Variants in PRR16 observed in about 807,000 individuals in gnomAD.
PRR16 encodes protein Largen.
Under a neutral mutation model 18.2 loss-of-function variants are expected in PRR16, and 6 were observed. The observed-to-expected ratio is 0.33, with a 90% CI of 0.18 to 0.65. The LOEUF (loss-of-function observed/expected upper bound fraction) is 0.65, where lower values mean the gene tolerates loss of function less well. PRR16 is among the 30% of genes least tolerant of loss of function. The pLI is 0.74. For synonymous variants in PRR16, 151 were observed against 147.8 expected (o/e 1.02, Z -0.16); for missense variants, 412 against 376.6 (o/e 1.09, Z -0.78).
chr5:120,732,598 A>T, the PRR16 span, among the ~76,000 whole-genome samples: 1 of 152,142 alleles, frequency 6.6e-6, no homozygotes, highest in Admixed American at 6.6e-5. Context: ...CAAGGGCCTG[A>T]TGGGGATAGG....
chr5:120,548,920 A>G (rs1752160881), intron 1 of PRR16, among the ~76,000 whole-genome samples: 1 of 148,136 alleles, frequency 6.8e-6, no homozygotes, highest in Non-Finnish European at 1.5e-5. Flanking sequence ...AAACATTGAG[A>G]CATGCTGAAA....
the PRR16 span, among the ~76,000 whole-genome samples, chr5:120,700,588 TA>T: frequency 6.6e-6 from 1 of 151,920 alleles, no homozygotes; most frequent in Non-Finnish European, 1.5e-5. Context: ...CAGGTGGGGA[TA>T]ACTAAAAAGG....
At chr5:120,783,001 TACTC>T in the PRR16 span, among the ~76,000 whole-genome samples, 9 of 152,270 alleles carry the variant, frequency 5.9e-5, no homozygotes, top group Non-Finnish European at 8.8e-5. Context: ...AAGAAGAACT[TACTC>T]AAAGTTCATG....
chr5:120,544,103 A>G (rs943013641), intron 1 of PRR16, among the ~76,000 whole-genome samples: 4 of 152,122 alleles, frequency 2.6e-5, no homozygotes, highest in Non-Finnish European at 5.9e-5. Context: ...AAAGTGACAA[A>G]TACAAATGCT....
intron 1 of PRR16, among the ~76,000 whole-genome samples, chr5:120,530,193 AAT>A (rs1201730464): frequency 1.4e-5 from 2 of 144,856 alleles, no homozygotes; most frequent in East Asian, 2.0e-4. Context: ...ATATATATAG[AAT>A]ATATATATAA....
the PRR16 span, among the ~76,000 whole-genome samples, chr5:120,693,639 G>A: frequency 1.3e-5 from 2 of 152,168 alleles, no homozygotes; most frequent in Non-Finnish European, 2.9e-5. Flanking sequence ...GTGCTAACTA[G>A]ACTATGTATG....
At chr5:120,702,229 C>A in the PRR16 span, among the ~76,000 whole-genome samples, 1 of 103,742 alleles carries the variant, frequency 9.6e-6, no homozygotes, top group Non-Finnish European at 2.0e-5. Flanking sequence ...AATAAGGGGT[C>A]GGGACACAGA....
intron 1 of PRR16, among the ~76,000 whole-genome samples, chr5:120,492,828 G>T (rs1006797786): frequency 6.6e-6 from 1 of 152,158 alleles, no homozygotes; most frequent in South Asian, 2.1e-4. Context: ...TTCCATTCCT[G>T]TGTTAGTTCA....
the PRR16 span, among the ~76,000 whole-genome samples, chr5:120,742,414 A>G: frequency 1.5e-3 from 234 of 151,722 alleles, 3 homozygotes; most frequent in African/African-American, 4.9e-3. Context: ...TTGATATTGC[A>G]TATCAGATTC....
At chr5:120,637,647 G>GA (rs1755282930) in intron 1 of PRR16, among the ~76,000 whole-genome samples, 1 of 151,908 alleles carries the variant, frequency 6.6e-6, no homozygotes, top group Admixed American at 6.6e-5. Context: ...GGATTTGGGG[G>GA]GAAGGGTGAG....
At chr5:120,589,375 T>C (rs1753556065) in intron 1 of PRR16, among the ~76,000 whole-genome samples, 1 of 152,134 alleles carries the variant, frequency 6.6e-6, no homozygotes, top group African/African-American at 2.4e-5. Flanking sequence ...ACATTTGCTA[T>C]AACATAGTTT....
chr5:120,758,582 A>C, the PRR16 span, among the ~76,000 whole-genome samples: 1 of 152,086 alleles, frequency 6.6e-6, no homozygotes, highest in Non-Finnish European at 1.5e-5. Context: ...AGTTTTCTCC[A>C]TGCTGTTCTT....
intron 1 of PRR16, among the ~76,000 whole-genome samples, chr5:120,617,987 G>A (rs1294233506): frequency 6.6e-6 from 1 of 152,016 alleles, no homozygotes; most frequent in African/African-American, 2.4e-5. Context: ...GCATATAAAA[G>A]AACGTGGGTT....
chr5:120,545,287 A>G (rs912519061), intron 1 of PRR16, among the ~76,000 whole-genome samples: 1 of 152,138 alleles, frequency 6.6e-6, no homozygotes, highest in Non-Finnish European at 1.5e-5. Flanking sequence ...GATAATAATT[A>G]TACGTGACAT....
At chr5:120,706,318 T>TCAGTTCCTGAAGAAGAAACTGG in the PRR16 span, among the ~76,000 whole-genome samples, 1 of 151,978 alleles carries the variant, frequency 6.6e-6, no homozygotes, top group Non-Finnish European at 1.5e-5. Context: ...TTGATTTTTG[T>TCAGTTCCTGAAGAAGAAACTGG]CAGTTTGACT....
At chr5:120,739,008 T>C in the PRR16 span, among the ~76,000 whole-genome samples, 4 of 152,090 alleles carry the variant, frequency 2.6e-5, no homozygotes, top group Admixed American at 2.6e-4. Flanking sequence ...CTTCAGGCAC[T>C]AACAAAGAAT....
intron 1 of PRR16, among the ~76,000 whole-genome samples, chr5:120,632,390 T>C (rs184431200): frequency 6.6e-6 from 1 of 152,108 alleles, no homozygotes; most frequent in Non-Finnish European, 1.5e-5. Context: ...ACCTCTGAAT[T>C]TCCAGAAAAA....
chr5:120,684,592 C>G (rs922634295), intron 1 of PRR16, among the ~76,000 whole-genome samples: 1 of 152,170 alleles, frequency 6.6e-6, no homozygotes, highest in African/African-American at 2.4e-5. Flanking sequence ...ATGTGTATAA[C>G]AGTGCAGGTA....
chr5:120,655,466 A>C (rs1184457306), intron 1 of PRR16, among the ~76,000 whole-genome samples: 6 of 151,288 alleles, frequency 4.0e-5, no homozygotes, highest in African/African-American at 1.5e-4. Context: ...CTATTATTAT[A>C]GACATATATA....
Sources: allele counts gnomAD v4.1 joint callset (sites outside exome capture counted in the v4.1 genomes callset), GRCh38; gene constraint gnomAD v4.1.1; transcripts MANE v1.5; gene names NCBI Gene and HGNC (gene_info 2026-07-23, HGNC 2026-07-21).